The following CDK15 variants were observed in gnomAD, a reference collection of about 807,000 sequenced individuals.
The protein encoded by CDK15 is cyclin dependent kinase 15, also known as cyclin-dependent kinase 15.
Under a neutral mutation model 60.3 loss-of-function variants are expected in CDK15, and 62 were observed. That is an observed-to-expected ratio of 1.03 (90% CI 0.84 to 1.27). The LOEUF is 1.27. Ranked by LOEUF, CDK15 falls within the 50% of genes most tolerant of loss-of-function variation. The probability of loss-of-function intolerance (pLI) is 0.00; values close to 1 mark genes in which losing one functional copy is unlikely to be tolerated. For synonymous variants in CDK15, 194 were observed against 195.7 expected, an observed-to-expected ratio of 0.99 and a Z score of 0.07; for missense variants, 541 against 527.8, an observed-to-expected ratio of 1.03 and a Z score of -0.25.
chr2:201,873,276 G>A (rs1450601474), intron 11 of CDK15, among the ~76,000 whole-genome samples: 1 of 152,170 alleles, frequency 6.6e-6, no homozygotes, highest in African/African-American at 2.4e-5. Context: ...GGAGGGACAG[G>A]TATCTCCAGG....
chr2:201,840,887 G>T (rs548377210), intron 8 of CDK15, among the ~76,000 whole-genome samples: 1 of 151,972 alleles, frequency 6.6e-6, no homozygotes, highest in Non-Finnish European at 1.5e-5. Flanking sequence ...TACCCTGTTT[G>T]GTATATCTTG....
At chr2:201,819,113 G>C (rs1419575087) in intron 4 of CDK15, among the ~76,000 whole-genome samples, 1 of 152,102 alleles carries the variant, frequency 6.6e-6, no homozygotes, top group African/African-American at 2.4e-5. Context: ...GGCCCAGAGA[G>C]AGAGGGTAGG....
At chr2:201,870,521 CA>C (rs57674133) in intron 10 of CDK15, among the ~76,000 whole-genome samples, 22,151 of 134,190 alleles carry the variant, frequency 0.17, 2,695 homozygotes, top group African/African-American at 0.38. Context: ...CCAGCCTGGA[CA>C]AAAAAAAAAA....
intron 8 of CDK15, among the ~76,000 whole-genome samples, chr2:201,843,451 G>C (rs192745144): frequency 6.6e-6 from 1 of 152,190 alleles, no homozygotes; most frequent in East Asian, 1.9e-4. Flanking sequence ...CAAAGTGCTA[G>C]GATTACAATG....
intron 9 of CDK15, among the ~76,000 whole-genome samples, chr2:201,848,197 A>T (rs1157306545): frequency 6.6e-6 from 1 of 152,148 alleles, no homozygotes; most frequent in Non-Finnish European, 1.5e-5. Flanking sequence ...TATCATGCTT[A>T]TCCACAGCCA....
At chr2:201,822,979 T>G (rs918852789) in intron 5 of CDK15, 76 bp downstream of exon 5, 2 of 880,932 alleles carry the variant, frequency 2.3e-6, no homozygotes, top group Middle Eastern at 2.2e-4. Context: ...TAATATTTTA[T>G]GGCATGATAA....
At chr2:201,846,100 C>T (rs952642108) in intron 8 of CDK15, among the ~76,000 whole-genome samples, 1 of 151,986 alleles carries the variant, frequency 6.6e-6, no homozygotes, top group African/African-American at 2.4e-5. Context: ...CAGGATGCAC[C>T]TTATAATCAG....
intron 10 of CDK15, chr2:201,861,409 T>A: frequency 2.0e-6 from 2 of 985,570 alleles, no homozygotes; most frequent in Non-Finnish European, 2.4e-6. Context: ...CTTGTTCTCC[T>A]TTCATTAATC....
rs898966510 is a variant in CDK15, at chr2:201,895,234, A to G, written c.*1967A>G. ...TCCCGTCTAATTCCAAGATTCTCCA[A>G]TAATGACTTTGGAACAGCTGTGTAC... On this transcript the variant is annotated 3_prime_UTR_variant, in exon 14 of 14. Coordinates refer to ENST00000652192, the MANE Select transcript of CDK15 (RefSeq NM_001366386.2). 1.3e-5 allele frequency: 2 copies of G among 152,262 alleles called. No individual in the cohort carries two copies. The highest frequency in any genetic ancestry group is 2.9e-5 in the Non-Finnish European group (2 of 68,052). 9.4% of individuals were successfully genotyped at this position (152,262 alleles called of 1,614,324 possible).
chr2:201,880,013 C>T lies in CDK15; in HGVS notation c.1059-15C>T, dbSNP rs1490087358. The T allele has an allele frequency of 6.2e-7, 1 of 1,611,778 alleles. No individual in the cohort carries two copies. Among genetic ancestry groups the T allele is most frequent in the Non-Finnish European group, 8.5e-7 (1 of 1,179,188 alleles). On this transcript the variant is annotated splice_polypyrimidine_tract_variant and intron_variant, in intron 11 of 13. Coordinates refer to ENST00000652192, the MANE Select transcript of CDK15 (RefSeq NM_001366386.2). ...GCTGCTGGAGAAACTCTATTTTTCT[C>T]TCCCACTTTTCCAGGCTGGGCAGGG...
Position 201,849,852 on chromosome 2 carries a change from T to G in CDK15, c.945+2378T>G, listed in dbSNP as rs762223204. Among the ~76,000 whole-genome samples the G allele has an allele frequency of 7.2e-5, 11 of 151,878 alleles. No individual in the cohort carries two copies. The South Asian group carries it at 2.1e-3, about 29-fold the overall frequency. ...CTTTTTCCTTTTTTTTGAGAAGGAG[T>G]CTTGCTCTGTCACCCAGGCTGGAGT... On this transcript the variant is annotated intron_variant, in intron 9 of 13. Coordinates refer to ENST00000652192, the MANE Select transcript of CDK15 (RefSeq NM_001366386.2).
At position 201,835,663 on chromosome 2, in the gene CDK15, A is replaced by G; in HGVS notation, c.751A>G (p.Ile251Val). The G allele has an allele frequency of 6.2e-7, 1 of 1,609,308 alleles. No individual in the cohort carries two copies. The highest frequency in any genetic ancestry group is 1.1e-5 in the South Asian group (1 of 90,568). The change falls in exon 8 of 14, where the codon ATT becomes GTT. Residue 251 changes from isoleucine (I) to valine (V), a missense_variant. Transcript: ENST00000652192. ...GACAGGTCTTGCCCGGGCCAAGTCCATTCCCAGCCAGACATACTCTTCAGA... is the reference window on the plus strand; with the variant it reads ...GACAGGTCTTGCCCGGGCCAAGTCCGTTCCCAGCCAGACATACTCTTCAGA... ...ADFGLARAKS[I>V]PSQTYSSEVV...
chr2:201,865,213 A>G (rs888930765), intron 10 of CDK15, among the ~76,000 whole-genome samples: 1 of 152,180 alleles, frequency 6.6e-6, no homozygotes, highest in Admixed American at 6.5e-5. Flanking sequence ...GGAGTTGTCA[A>G]TGTCAAATGA....
At chr2:201,832,460 G>T (rs1371936331) in intron 6 of CDK15, among the ~76,000 whole-genome samples, 1 of 152,192 alleles carries the variant, frequency 6.6e-6, no homozygotes, top group Non-Finnish European at 1.5e-5. Context: ...CCAATCAGAA[G>T]GTTTAAATGT....
intron 12 of CDK15, chr2:201,888,628 T>C (rs956416493): frequency 7.1e-7 from 1 of 1,412,286 alleles, no homozygotes; most frequent in African/African-American, 1.5e-5. Flanking sequence ...TTTCTATGAG[T>C]TGGGAAGGAG....
chr2:201,827,865 C>A (rs1014844695), intron 6 of CDK15, among the ~76,000 whole-genome samples: 3 of 152,212 alleles, frequency 2.0e-5, no homozygotes, highest in Non-Finnish European at 4.4e-5. Context: ...TGAGCCTCTG[C>A]ATTCTAACAT....
intron 12 of CDK15, among the ~76,000 whole-genome samples, chr2:201,885,804 T>C (rs1346165114): frequency 6.6e-6 from 1 of 152,220 alleles, no homozygotes; most frequent in Non-Finnish European, 1.5e-5. Context: ...CAGGGAAGAA[T>C]AATCGTACCT....
chr2:201,846,069 G>A (rs1026021953), intron 8 of CDK15, among the ~76,000 whole-genome samples: 3 of 152,036 alleles, frequency 2.0e-5, no homozygotes, highest in African/African-American at 7.2e-5. Flanking sequence ...TCTATTTAAA[G>A]ATGAACATTT....
At chr2:201,860,332 T>C (rs1417612035) in intron 10 of CDK15, among the ~76,000 whole-genome samples, 1 of 152,230 alleles carries the variant, frequency 6.6e-6, no homozygotes, top group Non-Finnish European at 1.5e-5. Context: ...GATTTAGAAA[T>C]AACAGTGCAT....
Sources: allele counts gnomAD v4.1 joint callset (sites outside exome capture counted in the v4.1 genomes callset), GRCh38; gene constraint gnomAD v4.1.1; transcripts MANE v1.5; gene names NCBI Gene and HGNC (gene_info 2026-07-23, HGNC 2026-07-21).